Variants in RAD54B observed in about 807,000 individuals in gnomAD.
RAD54B encodes the protein RAD54 homolog B.
In RAD54B, 78 loss-of-function variants were observed where a neutral mutation model predicts 95.8. The observed-to-expected ratio is 0.81, with a 90% CI of 0.68 to 0.98. The LOEUF (loss-of-function observed/expected upper bound fraction) is 0.98. Ranked by LOEUF, RAD54B falls within the 50% of genes least tolerant of loss-of-function variation. The pLI is 0.00. For missense variants in RAD54B, 957 were observed against 1,056.6 expected (o/e 0.91, Z 1.31); for synonymous variants, 328 against 354.9 (o/e 0.92, Z 0.85).
chr8:94,377,545 GAAAAAAAAAAAAA>G (rs71273330), intron 14 of RAD54B, among the ~76,000 whole-genome samples: 10 of 70,580 alleles, frequency 1.4e-4, no homozygotes, highest in African/African-American at 5.0e-4. Context: ...CCCTGTCTTG[GAAAAAAAAAAAAA>G]AAAAAAAAAA....
chr8:94,389,550 C>T (rs1810967441), intron 10 of RAD54B, among the ~76,000 whole-genome samples: 2 of 152,224 alleles, frequency 1.3e-5, no homozygotes, highest in Non-Finnish European at 2.9e-5. Context: ...AATCGCGACA[C>T]TATCTCTTCT....
At chr8:94,431,262 G>C (rs2450248) in intron 3 of RAD54B, 51,983 of 966,368 alleles carry the variant, frequency 0.054, 2,516 homozygotes, top group East Asian at 0.32. Context: ...TCCAGAACAG[G>C]ACATTCAAAA....
intron 3 of RAD54B, among the ~76,000 whole-genome samples, chr8:94,443,248 C>T (rs1812442330): frequency 6.6e-6 from 1 of 152,142 alleles, no homozygotes; most frequent in Non-Finnish European, 1.5e-5. Context: ...CATGTTCTCA[C>T]TTATAAGTGG....
intron 14 of RAD54B, among the ~76,000 whole-genome samples, chr8:94,375,208 G>C (rs1811536167): frequency 6.6e-6 from 1 of 152,148 alleles, no homozygotes; most frequent in Admixed American, 6.5e-5. Flanking sequence ...TATTCAAAAT[G>C]ATACATGAAT....
chr8:94,413,980 C>T (rs1237370753), intron 3 of RAD54B, among the ~76,000 whole-genome samples: 1 of 151,744 alleles, frequency 6.6e-6, no homozygotes, highest in Non-Finnish European at 1.5e-5. Flanking sequence ...AGATTACAGG[C>T]GCCCACCACC....
intron 6 of RAD54B, among the ~76,000 whole-genome samples, chr8:94,402,496 C>T (rs1423069726): frequency 3.9e-5 from 6 of 152,106 alleles, no homozygotes; most frequent in Non-Finnish European, 7.4e-5. Context: ...TCAAGTGATC[C>T]GCCTGCCTTG....
At chr8:94,425,943 C>T (rs1811930715) in intron 3 of RAD54B, among the ~76,000 whole-genome samples, 1 of 151,968 alleles carries the variant, frequency 6.6e-6, no homozygotes, top group Non-Finnish European at 1.5e-5. Flanking sequence ...AGTCACTGAA[C>T]ATGCAAAGGG....
At chr8:94,419,716 C>CCTCCCTCT (rs1811756181) in intron 3 of RAD54B, among the ~76,000 whole-genome samples, 1 of 145,118 alleles carries the variant, frequency 6.9e-6, no homozygotes, top group Non-Finnish European at 1.5e-5. Flanking sequence ...TTTAAAAACT[C>CCTCCCTCT]CTCCCTCTTC....
At chr8:94,441,161 C>A (rs1586025884) in intron 3 of RAD54B, among the ~76,000 whole-genome samples, 3 of 152,308 alleles carry the variant, frequency 2.0e-5, no homozygotes, top group Admixed American at 2.0e-4. Flanking sequence ...CATGTGAAAT[C>A]TTTAGTGTTG....
intron 3 of RAD54B, chr8:94,436,957 G>A (rs909805842): frequency 2.8e-6 from 4 of 1,443,246 alleles, no homozygotes; most frequent in African/African-American, 1.4e-5. Context: ...AAAAAGATCA[G>A]GCTTAACTAG....
chr8:94,429,565 C>T (rs770513958), intron 3 of RAD54B: 21 of 982,672 alleles, frequency 2.1e-5, no homozygotes, highest in Admixed American at 6.1e-5. Context: ...CATATATGTG[C>T]TTTCAATAAT....
At chr8:94,446,465 G>C (rs908511386) in intron 3 of RAD54B, among the ~76,000 whole-genome samples, 5 of 152,214 alleles carry the variant, frequency 3.3e-5, no homozygotes, top group Admixed American at 2.0e-4. Context: ...GGAAAGTGCT[G>C]GCTACCATTT....
chr8:94,406,989 T>C (rs1811405284), intron 5 of RAD54B, among the ~76,000 whole-genome samples: 1 of 152,180 alleles, frequency 6.6e-6, no homozygotes, highest in African/African-American at 2.4e-5. Context: ...CTTTCACTAG[T>C]AAAATTTGGA....
chr8:94,388,848 T>G (rs79631285), intron 10 of RAD54B, among the ~76,000 whole-genome samples: 4 of 152,146 alleles, frequency 2.6e-5, no homozygotes, highest in African/African-American at 9.7e-5. Context: ...CTTGGAAAGA[T>G]CATCAAAGGA....
Position 94,382,113 on chromosome 8 carries a change from C to CAAA in RAD54B, c.1986-1710_1986-1708dup, listed in dbSNP as rs537712504. On this transcript the variant is annotated intron_variant, in intron 11 of 14. Transcript: ENST00000336148. ...TGGGCGACAGAGCAAGACTCCCTCT[C>CAAA]AAAAAAAAAAAAAAAAAGAGAGCGA... 2.3e-3 allele frequency among the ~76,000 whole-genome samples: 249 copies of CAAA among 106,752 alleles called. 1 individual carries two copies. The highest frequency in any genetic ancestry group is 8.3e-3 in the African/African-American group (226 of 27,206). The allele number at this position is 106,752 out of a possible 152,430, so 70.0% of individuals were successfully genotyped here.
At chr8:94,385,882 G>A (rs1382904449) in intron 11 of RAD54B, among the ~76,000 whole-genome samples, 1 of 152,194 alleles carries the variant, frequency 6.6e-6, no homozygotes, top group East Asian at 1.9e-4. Context: ...GGTATGACTG[G>A]ACCACATGGT....
chr8:94,445,539 C>T (rs558730241), intron 3 of RAD54B, among the ~76,000 whole-genome samples: 4 of 152,242 alleles, frequency 2.6e-5, no homozygotes, highest in African/African-American at 9.6e-5. Flanking sequence ...GTTTTTACCA[C>T]TTTAATTGTC....
intron 2 of RAD54B, among the ~76,000 whole-genome samples, chr8:94,458,788 A>G (rs1812835414): frequency 6.6e-6 from 1 of 151,866 alleles, no homozygotes; most frequent in Non-Finnish European, 1.5e-5. Flanking sequence ...AATCGCTTGA[A>G]CTCAGGAGGC....
intron 3 of RAD54B, chr8:94,432,473 A>C (rs1356466380): frequency 6.4e-7 from 1 of 1,550,498 alleles, no homozygotes; most frequent in Non-Finnish European, 8.7e-7. Flanking sequence ...TTTCCATAAC[A>C]TGTACTAATT....
Sources: allele counts gnomAD v4.1 joint callset (sites outside exome capture counted in the v4.1 genomes callset), GRCh38; gene constraint gnomAD v4.1.1; transcripts MANE v1.5; gene names NCBI Gene and HGNC (gene_info 2026-07-23, HGNC 2026-07-21).